The following TMEM101 variants were observed in gnomAD, a reference collection of about 807,000 sequenced individuals.
The protein encoded by TMEM101 is transmembrane protein 101.
A neutral mutation model predicts 26.0 loss-of-function variants in TMEM101; 14 were observed. That is an observed-to-expected ratio of 0.54 (90% CI 0.36 to 0.84). The LOEUF (loss-of-function observed/expected upper bound fraction) is 0.84. TMEM101 is among the 40% of genes least tolerant of loss of function. The pLI is 0.01. For missense variants in TMEM101, 292 were observed against 345.1 expected, an observed-to-expected ratio of 0.85 and a Z score of 1.22; for synonymous variants, 152 against 145.1, an observed-to-expected ratio of 1.05 and a Z score of -0.34.
chr17:44,014,796 G>C lies in TMEM101; in HGVS notation c.137+20C>G. ...ATCACCGCCCCCTGCCGCGTTTAGC[G>C]GCTGCGTAGGCCTGCTCACCGGCGT... On this transcript the variant is annotated intron_variant, in intron 1 of 3. Coordinates refer to ENST00000206380, the MANE Select transcript of TMEM101 (RefSeq NM_032376.4). The C allele has an allele frequency of 1.3e-6, 2 of 1,539,832 alleles. No homozygotes were observed. The highest frequency in any genetic ancestry group is 8.8e-7 in the Non-Finnish European group (1 of 1,141,296).
At chr17:44,018,642 TACA>T (rs892510111), upstream of TMEM101, among the ~76,000 whole-genome samples, 12 of 152,162 alleles carry the variant, frequency 7.9e-5, no homozygotes, top group Admixed American at 2.0e-4. Context: ...CAGGATTGTG[TACA>T]ACATGTCCAT....
At chr17:44,018,182 G>C (rs2049252326), upstream of TMEM101, among the ~76,000 whole-genome samples, 1 of 151,126 alleles carries the variant, frequency 6.6e-6, no homozygotes, top group South Asian at 2.1e-4. Flanking sequence ...AAGACCATGA[G>C]AAGCCAGGCA....
At chr17:44,012,915 C>T (rs2049178793) in intron 3 of TMEM101, 94 bp downstream of exon 3, 1 of 1,369,006 alleles carries the variant, frequency 7.3e-7, no homozygotes, top group Non-Finnish European at 9.7e-7. Context: ...CACTCAGGGC[C>T]TCGTTCTGTG....
At chr17:44,022,502 C>T (rs932610448) in intron 1 of TMEM101, among the ~76,000 whole-genome samples, 4 of 152,252 alleles carry the variant, frequency 2.6e-5, no homozygotes, top group African/African-American at 9.6e-5. Context: ...CCTTTTCCAG[C>T]TTACATTTCT....
chr17:44,013,236 T>A, intron 2 of TMEM101, 81 bp from the exon 3 acceptor site: 1 of 1,289,112 alleles, frequency 7.8e-7, no homozygotes, highest in South Asian at 2.2e-5. Flanking sequence ...GAACCACCCC[T>A]CTCTACACAT....
Position 44,011,831 on chromosome 17 carries a change from C to G in TMEM101, c.*97G>C. 7.6e-7 allele frequency: 1 copy of G among 1,309,370 alleles called. No homozygotes were observed. Among genetic ancestry groups the G allele is most frequent in the Non-Finnish European group, 1.0e-6 (1 of 956,954 alleles). The allele number at this position is 1,309,370 out of a possible 1,614,324, so 81.1% of individuals were successfully genotyped here. On this transcript the variant is annotated 3_prime_UTR_variant, in exon 4 of 4. Coordinates refer to ENST00000206380, the MANE Select transcript of TMEM101 (RefSeq NM_032376.4). ...AAAGCAAAAGATCAAACAAACAGAC[C>G]AAAAAGCATAAATAAACAGCAGCTG...
chr17:44,014,624 A>T, intron 1 of TMEM101, 87 bp from the exon 2 acceptor site: 1 of 1,528,582 alleles, frequency 6.5e-7, no homozygotes, highest in Non-Finnish European at 8.9e-7. Context: ...CACAGGCTCC[A>T]CTGCTCCCCC....
chr17:44,015,126 C>T, upstream of TMEM101: 1 of 762,860 alleles, frequency 1.3e-6, no homozygotes, highest in Non-Finnish European at 2.0e-6. Context: ...TTCTCGTCTG[C>T]TCATGGAGCC....
intron 2 of TMEM101, among the ~76,000 whole-genome samples, chr17:44,020,031 T>C (rs2049271919): frequency 6.6e-6 from 1 of 152,196 alleles, no homozygotes; most frequent in South Asian, 2.1e-4. Context: ...CTACTATCAT[T>C]AAGAGCTTTT....
chr17:44,012,345 A>C, intron 3 of TMEM101, 109 bp from the exon 4 acceptor site: 1 of 1,054,496 alleles, frequency 9.5e-7, no homozygotes, highest in East Asian at 2.6e-5. Flanking sequence ...TGGGCTTCTG[A>C]CTCCCCTCTT....
upstream of TMEM101, among the ~76,000 whole-genome samples, chr17:44,017,942 G>A (rs929094689): frequency 3.3e-5 from 5 of 152,010 alleles, no homozygotes; most frequent in Non-Finnish European, 2.9e-5. Flanking sequence ...AGACCAGCCT[G>A]GCCAACATGG....
At chr17:44,014,970 C>A (rs1156428740), upstream of TMEM101, 3 of 1,601,494 alleles carry the variant, frequency 1.9e-6, no homozygotes, top group Non-Finnish European at 1.7e-6. Context: ...AAGGGCAGTC[C>A]GCTGCGGCCT....
At chr17:44,015,264 GA>G (rs1567947572), upstream of TMEM101, 1 of 238,022 alleles carries the variant, frequency 4.2e-6, no homozygotes, top group Non-Finnish European at 8.2e-6. Flanking sequence ...AATGCAGCCC[GA>G]TCAGGGCCCT....
At chr17:44,015,480 G>A (rs200225025), upstream of TMEM101, among the ~76,000 whole-genome samples, 31 of 151,880 alleles carry the variant, frequency 2.0e-4, no homozygotes, top group East Asian at 3.9e-3. Context: ...TGTAACCTCC[G>A]CAACCTGGGT....
chr17:44,015,385 C>CTT (rs11354004), upstream of TMEM101, among the ~76,000 whole-genome samples: 2 of 150,388 alleles, frequency 1.3e-5, no homozygotes, highest in Non-Finnish European at 3.0e-5. Flanking sequence ...CTTTTTTTTT[C>CTT]TTTTTTTTTT....
intron 1 of TMEM101, 94 bp downstream of exon 1, chr17:44,014,722 T>TCCTCCC (rs2049207189): frequency 2.3e-5 from 35 of 1,505,076 alleles, no homozygotes; most frequent in Non-Finnish European, 2.8e-5. Flanking sequence ...AGGTCCCAAT[T>TCCTCCC]CCTCCCAGTT....
intron 1 of TMEM101, among the ~76,000 whole-genome samples, chr17:44,022,755 C>G (rs966811163): frequency 2.0e-5 from 3 of 152,158 alleles, no homozygotes; most frequent in Non-Finnish European, 4.4e-5. Context: ...TGGGAAGTCT[C>G]CAAGCTCCCA....
At chr17:44,015,155 C>G, upstream of TMEM101, 1 of 579,496 alleles carries the variant, frequency 1.7e-6, no homozygotes, top group Non-Finnish European at 2.9e-6. Context: ...CATATTTGTC[C>G]CTGCGAATTT....
intron 3 of TMEM101, 173 bp from the exon 4 acceptor site, chr17:44,012,409 C>T: frequency 1.6e-6 from 1 of 632,818 alleles, no homozygotes; most frequent in Non-Finnish European, 2.7e-6. Context: ...GACTATGGAG[C>T]CCCAGGAGAT....
Sources: gnomAD v4.1 joint callset for allele counts (sites outside exome capture counted in the v4.1 genomes callset) on GRCh38, gnomAD v4.1.1 for gene constraint, MANE v1.5 for transcripts, NCBI Gene and HGNC (gene_info 2026-07-23, HGNC 2026-07-21) for gene names.